Variants in ARHGAP42 observed in about 807,000 individuals in gnomAD.
ARHGAP42 encodes rho GTPase-activating protein 42.
In ARHGAP42, 63 loss-of-function variants were observed where a neutral mutation model predicts 125.0. The ratio of observed to expected loss-of-function variants is 0.50; its 90% CI spans 0.41 to 0.62. ARHGAP42 has a LOEUF of 0.62. Among genes scored for constraint, ARHGAP42 ranks in the 20% least tolerant of loss-of-function variants. ARHGAP42 has a pLI of 0.00. For missense variants in ARHGAP42, 766 were observed against 1,024.2 expected (o/e 0.75, Z 3.44); for synonymous variants, 339 against 351.0 (o/e 0.97, Z 0.38).
chr11:100,794,075 C>CAAAAAAAAAAAAAAAAAA (rs869272420), intron 2 of ARHGAP42, among the ~76,000 whole-genome samples: 3 of 44,844 alleles, frequency 6.7e-5, no homozygotes, highest in African/African-American at 7.0e-5. Context: ...GACCCTGTCT[C>CAAAAAAAAAAAAAAAAAA]AAAAAAAAAA....
At chr11:100,846,158 G>A (rs2135120092) in intron 3 of ARHGAP42, among the ~76,000 whole-genome samples, 1 of 152,258 alleles carries the variant, frequency 6.6e-6, no homozygotes, top group Middle Eastern at 3.4e-3. Flanking sequence ...TTAACCTTTT[G>A]TTTTTGTATG....
intron 8 of ARHGAP42, 105 bp downstream of exon 8, chr11:100,936,437 T>C: frequency 7.2e-7 from 1 of 1,398,512 alleles, no homozygotes; most frequent in South Asian, 1.4e-5. Context: ...TGAAATTTCT[T>C]ATAGCTTTAT....
At chr11:100,930,112 G>A (rs550349372) in intron 6 of ARHGAP42, among the ~76,000 whole-genome samples, 1 of 152,332 alleles carries the variant, frequency 6.6e-6, no homozygotes, top group East Asian at 1.9e-4. Flanking sequence ...CGTCTATCTA[G>A]AAGTTTGTAG....
chr11:100,959,151 A>G (rs558807595), intron 12 of ARHGAP42, among the ~76,000 whole-genome samples: 1 of 152,122 alleles, frequency 6.6e-6, no homozygotes, highest in South Asian at 2.1e-4. Context: ...GTTAGTTGGT[A>G]TTTTTTAAAT....
At chr11:100,740,838 T>A (rs1026248780) in intron 1 of ARHGAP42, among the ~76,000 whole-genome samples, 1 of 151,744 alleles carries the variant, frequency 6.6e-6, no homozygotes, top group Admixed American at 6.6e-5. Flanking sequence ...CTGGATTATT[T>A]AAAAAAAATA....
At position 100,943,853 on chromosome 11, in the gene ARHGAP42, T is replaced by C; in HGVS notation, c.1028T>C (p.Ile343Thr). 6.5e-7 allele frequency: 1 copy of C among 1,546,404 alleles called. No individual in the cohort carries two copies. ...ATTGACAAACGATTCTGCTTTGACA[T>C]AGAAGTAGTTGAAAGGTTTGAGCTG... ...DSIDKRFCFD[I>T]EVVERHGIIT... The change falls in exon 10 of 24, where the codon ATA becomes ACA. Residue 343 changes from isoleucine (I) to threonine (T), a missense_variant. Physicochemically the swap from Ile to Thr is moderately conservative, Grantham distance 89. Transcript: ENST00000298815.
chr11:100,976,057 G>A lies in ARHGAP42; in HGVS notation c.1856G>A (p.Ser619Asn), dbSNP rs1225658414. The A allele has an allele frequency of 6.6e-7, 1 of 1,509,920 alleles. No individual in the cohort carries two copies. The highest frequency in any genetic ancestry group is 8.9e-7 in the Non-Finnish European group (1 of 1,127,132). The allele number at this position is 1,509,920 out of a possible 1,614,324, so 93.5% of individuals were successfully genotyped here. ...CATCTCTCTCCCTCCTACTCCTTAG[G>A]TGACTCCTATAGCAGCAGCCCAGAC... is the stretch of plus-strand genomic sequence containing the variant. ...RYTPCLAEPD[S>N]DSYSSSPDST... The change falls in exon 20 of 24, where the codon AGT becomes AAT. Residue 619 changes from serine (S) to asparagine (N), a missense_variant and splice_region_variant. Coordinates refer to ENST00000298815, the MANE Select transcript of ARHGAP42 (RefSeq NM_152432.4).
intron 3 of ARHGAP42, among the ~76,000 whole-genome samples, chr11:100,802,938 CAT>C (rs2135046128): frequency 6.6e-6 from 1 of 152,354 alleles, no homozygotes; most frequent in Non-Finnish European, 1.5e-5. Flanking sequence ...CTGCCCTTTC[CAT>C]ATAGCCTTAG....
chr11:100,808,732 C>A (rs1400213900), intron 3 of ARHGAP42, among the ~76,000 whole-genome samples: 4 of 152,306 alleles, frequency 2.6e-5, no homozygotes, highest in African/African-American at 9.6e-5. Flanking sequence ...TAAAAAATAA[C>A]TAGAAATCGG....
intron 3 of ARHGAP42, among the ~76,000 whole-genome samples, chr11:100,827,626 A>G (rs1864554440): frequency 6.6e-6 from 1 of 152,224 alleles, no homozygotes; most frequent in South Asian, 2.1e-4. Context: ...CATGGGGTAT[A>G]GAAGCTGAGG....
rs771630966 is a variant in ARHGAP42 at position 100,976,900 on chromosome 11, G to A, written c.2322G>A (p.Leu774=). Residue 774 remains leucine (L), a synonymous_variant, in exon 21 of 24, where the codon CTG becomes CTA. Transcript: ENST00000298815. ...ETPKASPNPD[L]PPKMCRRLRL... is the part of the protein sequence containing the mutation. The stretch of plus-strand genomic sequence containing the variant: ...CCAAAGCTTCACCAAACCCAGACCT[G>A]CCTCCGAAAATGTGCAGGAGATTAA... 2.9e-5 allele frequency: 45 copies of A among 1,551,526 alleles called. No individual in the cohort carries two copies. Among genetic ancestry groups the A allele is most frequent in the South Asian group, 7.1e-5 (6 of 84,064 alleles).
Position 100,989,035 on chromosome 11 carries a change from G to T in ARHGAP42, c.*234G>T. The T allele has an allele frequency of 2.0e-6, 1 of 500,758 alleles. No individual in the cohort carries two copies. Among genetic ancestry groups the T allele is most frequent in the South Asian group, 3.9e-5 (1 of 25,540 alleles). 31.0% of individuals were successfully genotyped at this position (500,758 alleles called of 1,614,324 possible). ...TTAAAATATCTTACTTGTGAAAAAT[G>T]TGTTTTTGGATAATATGTAACTCTC... On this transcript the variant is annotated 3_prime_UTR_variant, in exon 24 of 24. Coordinates refer to ENST00000298815, the MANE Select transcript of ARHGAP42 (RefSeq NM_152432.4).
At chr11:100,799,783 GGAATGTTC>G (rs1863808514) in intron 3 of ARHGAP42, among the ~76,000 whole-genome samples, 1 of 152,196 alleles carries the variant, frequency 6.6e-6, no homozygotes, top group South Asian at 2.1e-4. Flanking sequence ...GAGATCCAAA[GGAATGTTC>G]TCATAGCACT....
At chr11:100,735,674 T>C (rs1862052424) in intron 1 of ARHGAP42, among the ~76,000 whole-genome samples, 2 of 141,674 alleles carry the variant, frequency 1.4e-5, no homozygotes, top group African/African-American at 2.6e-5. Context: ...AATGGCGTGA[T>C]CTAGGCTCAC....
intron 4 of ARHGAP42, among the ~76,000 whole-genome samples, chr11:100,891,439 CTTT>C (rs142290529): frequency 1.8e-3 from 184 of 104,922 alleles, no homozygotes; most frequent in Middle Eastern, 5.7e-3. Context: ...AAAGCATCGA[CTTT>C]TTTTTTTTTT....
intron 1 of ARHGAP42, among the ~76,000 whole-genome samples, chr11:100,750,215 C>A (rs1862413054): frequency 6.6e-6 from 1 of 152,236 alleles, no homozygotes; most frequent in Non-Finnish European, 1.5e-5. Flanking sequence ...AGGCAACGTA[C>A]TTCTATAGAA....
intron 1 of ARHGAP42, among the ~76,000 whole-genome samples, chr11:100,762,386 T>A (rs1862725838): frequency 6.6e-6 from 1 of 152,180 alleles, no homozygotes; most frequent in Admixed American, 6.5e-5. Flanking sequence ...TCTCTGGTAA[T>A]TCTGTCTTCA....
intron 8 of ARHGAP42, among the ~76,000 whole-genome samples, chr11:100,939,170 G>A (rs1486003479): frequency 6.6e-6 from 1 of 152,198 alleles, no homozygotes; most frequent in East Asian, 1.9e-4. Context: ...AAGAGCCAGG[G>A]GTTCCAGAGT....
At chr11:100,736,360 G>A (rs1203459496) in intron 1 of ARHGAP42, among the ~76,000 whole-genome samples, 1 of 152,228 alleles carries the variant, frequency 6.6e-6, no homozygotes, top group Non-Finnish European at 1.5e-5. Flanking sequence ...GATGGCTCTG[G>A]TGAGACAGAG....
Sources: gnomAD v4.1 joint callset for allele counts (sites outside exome capture counted in the v4.1 genomes callset) on GRCh38, gnomAD v4.1.1 for gene constraint, MANE v1.5 for transcripts, NCBI Gene and HGNC (gene_info 2026-07-23, HGNC 2026-07-21) for gene names.